The following SIGIRR variants were observed in gnomAD, a reference collection of about 807,000 sequenced individuals.
The protein encoded by SIGIRR is single Ig and TIR domain containing, also known as single Ig IL-1-related receptor.
Under a neutral mutation model 45.6 loss-of-function variants are expected in SIGIRR, and 41 were observed. The observed-to-expected ratio is 0.90, with a 90% confidence interval of 0.70 to 1.17. The LOEUF (loss-of-function observed/expected upper bound fraction) is 1.17, where lower values mean the gene tolerates loss of function less well. Among genes scored for constraint, SIGIRR ranks in the 50% most tolerant of loss-of-function variants. The pLI is 0.00. For missense variants in SIGIRR, 599 were observed against 539.6 expected (o/e 1.11, Z -1.09); for synonymous variants, 298 against 239.0 (o/e 1.25, Z -2.28).
chr11:413,806 C>CCCCACCTTCCCCTG, intron 1 of SIGIRR, among the ~76,000 whole-genome samples: 1 of 125,726 alleles, frequency 8.0e-6, no homozygotes, highest in East Asian at 2.6e-4. Flanking sequence ...GCTCTCCACT[C>CCCCACCTTCCCCTG]CCCACCTTCC....
In SIGIRR at chr11:406,538, TCTGG is replaced by T; in HGVS notation, c.880-4_880-1del. 6.2e-7 allele frequency: 1 copy of T among 1,607,278 alleles called. No individual in the cohort carries two copies. Among genetic ancestry groups the T allele is most frequent in the Non-Finnish European group, 8.5e-7 (1 of 1,176,012 alleles). On this transcript the variant is annotated splice_acceptor_variant and splice_polypyrimidine_tract_variant and intron_variant, in intron 8 of 9. Transcript: ENST00000431843. LOFTEE classifies it high-confidence loss of function. ...TCTTTCCAAAAATCGGAGGAAGGAG[TCTGG>T]GGGCCAGGTCGGGGCGGTTTGCAGG...
Position 407,111 on chromosome 11 carries a change from CCACGA to C in SIGIRR, c.674_678del (p.Ile225SerfsTer114). ...CGGCTCAGGAAGGCGTCCGAAAGCA[CCACGA>C]TGAGGCGTCGGCAGCGGCTCAGGTT... On this transcript the variant is annotated frameshift_variant, in exon 7 of 10. Coordinates refer to ENST00000431843, the MANE Select transcript of SIGIRR (RefSeq NM_001135054.2). LOFTEE classifies it high-confidence loss of function. 2 of 1,538,460 alleles carry C rather than the reference CCACGA, an allele frequency of 1.3e-6. No homozygotes were observed. Among genetic ancestry groups the C allele is most frequent in the East Asian group, 2.5e-5 (1 of 39,388 alleles).
At chr11:415,431 G>T (rs574729728), upstream of SIGIRR, among the ~76,000 whole-genome samples, 93 of 152,216 alleles carry the variant, frequency 6.1e-4, no homozygotes, top group Middle Eastern at 3.4e-3. This position sits in a 1 kb window ranked among gnomAD's most constrained non-coding sequence, Gnocchi z 6.6. Context: ...AAGGAGGACC[G>T]GGGACCGCGC....
chr11:407,550 G>T lies in SIGIRR; in HGVS notation c.500C>A (p.Ala167Asp), dbSNP rs376859577. The change falls in exon 6 of 10, where the codon GCC (alanine) becomes GAC (aspartate). Residue 167 changes from alanine to aspartate, a missense_variant. Ala to Asp is a moderately radical substitution (Grantham distance 126). Transcript: ENST00000431843. The stretch of plus-strand genomic sequence containing the variant: ...GGGGCAGTCGCTGTAGGAGACGTAG[G>T]CGTCGTAGAGCTTCCCGTCTGCGGA... ...VEINDGKLYD[A>D]YVSYSDCPED... 5 of 1,608,342 alleles carry T rather than the reference G, an allele frequency of 3.1e-6. No individual in the cohort carries two copies. The Admixed American group carries it at 5.0e-5, about 16-fold the overall frequency.
At chr11:409,739 C>T (rs1034626482) in intron 2 of SIGIRR, 129 bp downstream of exon 2, 164 of 1,067,506 alleles carry the variant, frequency 1.5e-4, no homozygotes, top group Non-Finnish European at 1.8e-4. Flanking sequence ...TGAGCAGGGG[C>T]CTTTGTACCC....
rs754950145 is a variant in SIGIRR, at chr11:405,979, C to T, written c.1150G>A (p.Glu384Lys). The T allele has an allele frequency of 4.3e-6, 7 of 1,612,264 alleles. No homozygotes were observed. The highest frequency in any genetic ancestry group is 1.1e-5 in the South Asian group (1 of 91,044). Residue 384 changes from glutamate (E) to lysine (K), a missense_variant, in exon 10 of 10, where the codon GAA becomes AAA. Glu to Lys is a moderately conservative substitution (Grantham distance 56). Transcript: ENST00000431843. ...GVSLGESRSS[E>K]VDVSDLGSRN... ...GAGCCGAGATCCGAGACGTCCACTT[C>T]GCTGCTCCGGCTCTCTCCCAGCGAG...
rs765794992 is a variant in SIGIRR at position 407,436 on chromosome 11, AG to A, written c.613del (p.Leu205CysfsTer12). The A allele has an allele frequency of 1.2e-5, 19 of 1,548,794 alleles. No homozygotes were observed. The Admixed American group carries it at 3.3e-4, about 27-fold the overall frequency. ...GGGGCCCGGGATACCAGCGCGCGGC[AG>A]GAGGTCGCGGTCGTCCAGGAAGAGC... ...YKLFLDDRDLLPRAEPSADLL... is the reference protein window; with the variant it reads ...YKLFLDDRDLXPRAEPSADLL... On this transcript the variant is annotated frameshift_variant, in exon 6 of 10. Transcript: ENST00000431843. LOFTEE classifies it high-confidence loss of function.
chr11:410,783 G>A (rs1165738521), intron 1 of SIGIRR, among the ~76,000 whole-genome samples: 1 of 47,450 alleles, frequency 2.1e-5, no homozygotes, highest in Non-Finnish European at 4.3e-5. Flanking sequence ...ATACAGTCGG[G>A]GGGGGGTGCC....
chr11:407,336 TG>T (rs1847378867), intron 6 of SIGIRR, 88 bp downstream of exon 6: 22 of 991,970 alleles, frequency 2.2e-5, no homozygotes, highest in Non-Finnish European at 2.7e-5. Context: ...AGCTCGATGG[TG>T]GGGGTGGGGC....
Position 407,791 on chromosome 11 carries a change from C to T in SIGIRR, c.481+26G>A, listed in dbSNP as rs1847414954. 4 of 1,611,740 alleles carry T rather than the reference C, an allele frequency of 2.5e-6. No homozygotes were observed. The East Asian group carries it at 6.7e-5, about 27-fold the overall frequency. ...CTCAGGGAGGCCGTGGCGACCCCTC[C>T]TCGCGCCCACGCGGGCCCCACGCAC... On this transcript the variant is annotated intron_variant, in intron 5 of 9. Transcript: ENST00000431843.
rs750809277 is a variant in SIGIRR, at chr11:407,904, G to C, written c.394C>G (p.Leu132Val). The change falls in exon 5 of 10, where the codon CTG (leucine) becomes GTG (valine). Residue 132 changes from leucine to valine, a missense_variant. Coordinates refer to ENST00000431843, the MANE Select transcript of SIGIRR (RefSeq NM_001135054.2). ...ACATAGAGCAGGGCGGCCAGCAGCAGGGCCAGCAGGACCAGGAGGGAGGCC... is the reference window on the plus strand; with the variant it reads ...ACATAGAGCAGGGCGGCCAGCAGCACGGCCAGCAGGACCAGGAGGGAGGCC... The part of the protein sequence containing the change: ...VLASLLVLLA[L>V]LLAALLYVKC... 6.2e-7 allele frequency: 1 copy of C among 1,612,282 alleles called. No individual in the cohort carries two copies. Among genetic ancestry groups the C allele is most frequent in the Admixed American group, 1.7e-5 (1 of 59,952 alleles).
intron 1 of SIGIRR, among the ~76,000 whole-genome samples, chr11:412,892 G>A (rs368791384): frequency 6.6e-6 from 1 of 152,094 alleles, no homozygotes; most frequent in African/African-American, 2.4e-5. Flanking sequence ...TGGAGGTCTC[G>A]GGTCCCATGT....
chr11:406,429 G>A lies in SIGIRR; in HGVS notation c.989C>T (p.Pro330Leu). Residue 330 changes from proline (P) to leucine (L), a missense_variant, in exon 9 of 10, where the codon CCC becomes CTC. By Grantham distance (98) the Pro-to-Leu change is moderately conservative. Transcript: ENST00000431843. Reference sequence around the variant, plus strand: ...GACTCGGCCTCGAAGAATCAGCATGGGGTCCTTGTCGTCCTGCAGCTGCGT... The same window carrying A: ...GACTCGGCCTCGAAGAATCAGCATGAGGTCCTTGTCGTCCTGCAGCTGCGT... ...PQTQLQDDKDPMLILRGRVPE... is the reference protein window; with the variant it reads ...PQTQLQDDKDLMLILRGRVPE... 3 of 1,612,772 alleles carry A rather than the reference G, an allele frequency of 1.9e-6. No individual in the cohort carries two copies. The highest frequency in any genetic ancestry group is 1.7e-4 in the Middle Eastern group (1 of 6,060).
At chr11:409,770 G>C in intron 2 of SIGIRR, 98 bp downstream of exon 2, 1 of 1,272,672 alleles carries the variant, frequency 7.9e-7, no homozygotes, top group Non-Finnish European at 1.0e-6. Context: ...GCCAGGCAGA[G>C]TGCCTGGGAT....
upstream of SIGIRR, among the ~76,000 whole-genome samples, chr11:416,118 C>G (rs954947131): frequency 6.6e-6 from 1 of 152,106 alleles, no homozygotes; most frequent in African/African-American, 2.4e-5. This position sits in a 1 kb window ranked among gnomAD's most constrained non-coding sequence, Gnocchi z 9.1. Flanking sequence ...CCAGCCCCTC[C>G]TTGAAGTGGG....
In SIGIRR at chr11:406,383, G is replaced by A. The variant is rs1271207646; in HGVS notation, c.1035C>T (p.Asp345=). 6.2e-7 allele frequency: 1 copy of A among 1,612,526 alleles called. No individual in the cohort carries two copies. Among genetic ancestry groups the A allele is most frequent in the African/African-American group, 1.3e-5 (1 of 74,944 alleles). ...CCTCAGGGTCCGGGTCCACCTCTGA[G>A]TCCAGGGCCCGGCCCTCAGGGACTC... The part of the protein sequence containing the change: ...RGRVPEGRAL[D]SEVDPDPEGD... Residue 345 remains aspartate, a synonymous_variant, in exon 9 of 10, where the codon GAC becomes GAT. Coordinates refer to ENST00000431843, the MANE Select transcript of SIGIRR (RefSeq NM_001135054.2).
rs867422735 is a variant in SIGIRR at position 412,690 on chromosome 11, G to C, written c.-154+2133C>G. Among the ~76,000 whole-genome samples, 44 of 122,218 alleles carry C rather than the reference G, an allele frequency of 3.6e-4. 1 individual carries two copies. Among genetic ancestry groups the C allele is most frequent in the African/African-American group, 1.1e-3 (37 of 33,980 alleles). 80.2% of individuals were successfully genotyped at this position (122,218 alleles called of 152,430 possible). A position where few individuals can be genotyped will look rare whatever the true frequency, so the allele number is the denominator to read the frequency against. ...CCATGTCTGGATACAGTCGGGGGGG[G>C]GGGGTGCCCAGCTCTAACCATGTCT... On this transcript the variant is annotated intron_variant, in intron 1 of 9. Transcript: ENST00000431843.
chr11:410,316 G>C (rs974091444), intron 1 of SIGIRR, among the ~76,000 whole-genome samples: 27 of 152,162 alleles, frequency 1.8e-4, no homozygotes, highest in South Asian at 2.1e-4. Flanking sequence ...ACGAACACTA[G>C]GTGGGACCCT....
chr11:415,725 G>A (rs950005441), upstream of SIGIRR, among the ~76,000 whole-genome samples: 2 of 152,304 alleles, frequency 1.3e-5, no homozygotes, highest in South Asian at 2.1e-4. The surrounding 1 kb of genome is among the most constrained non-coding windows in gnomAD (Gnocchi z 6.6). Context: ...GCAAACACAG[G>A]TGGCCGAGGC....
Sources: gnomAD v4.1 joint callset for allele counts (sites outside exome capture counted in the v4.1 genomes callset) on GRCh38, gnomAD v4.1.1 for gene constraint, Gnocchi (gnomAD v3.1) non-coding constraint, MANE v1.5 for transcripts, NCBI Gene and HGNC (gene_info 2026-07-23, HGNC 2026-07-21) for gene names.